The following RNF220 variants were observed in gnomAD, a reference collection of about 807,000 sequenced individuals.
The protein encoded by RNF220 is ring finger protein 220, also known as E3 ubiquitin-protein ligase RNF220.
In RNF220, 7 loss-of-function variants were observed where a neutral mutation model predicts 67.1. The ratio of observed to expected loss-of-function variants is 0.10; its 90% CI spans 0.06 to 0.20. The LOEUF (loss-of-function observed/expected upper bound fraction) is 0.20. Among genes scored for constraint, RNF220 ranks in the 10% least tolerant of loss-of-function variants. The pLI is 1.00. For synonymous variants in RNF220, 270 were observed against 283.2 expected, an observed-to-expected ratio of 0.95 and a Z score of 0.47; for missense variants, 565 against 740.3, an observed-to-expected ratio of 0.76 and a Z score of 2.75.
At chr1:44,533,389 G>A (rs1226523890) in intron 2 of RNF220, among the ~76,000 whole-genome samples, 1 of 152,138 alleles carries the variant, frequency 6.6e-6, no homozygotes, top group Non-Finnish European at 1.5e-5. Context: ...CTACTTGGGA[G>A]GCTGAGGCAG....
At chr1:44,507,848 C>G (rs575959063) in intron 2 of RNF220, among the ~76,000 whole-genome samples, 1 of 152,126 alleles carries the variant, frequency 6.6e-6, no homozygotes, top group South Asian at 2.1e-4. Flanking sequence ...GCTCAGAATG[C>G]TCTTTTGTGT....
intron 2 of RNF220, among the ~76,000 whole-genome samples, chr1:44,430,278 T>C (rs1243350361): frequency 6.6e-6 from 1 of 152,106 alleles, no homozygotes; most frequent in African/African-American, 2.4e-5. Flanking sequence ...ATTATTTCTA[T>C]AATTAAAAAA....
intron 1 of RNF220, among the ~76,000 whole-genome samples, chr1:44,410,992 CGG>C (rs2147801212): frequency 6.6e-6 from 1 of 152,272 alleles, no homozygotes; most frequent in African/African-American, 2.4e-5. Flanking sequence ...CAATTTGTTC[CGG>C]GGGCCTTTAT....
chr1:44,452,422 C>T lies in RNF220; in HGVS notation c.625+39700C>T, dbSNP rs370532318. 1.4e-3 allele frequency among the ~76,000 whole-genome samples: 208 copies of T among 151,924 alleles called. 1 individual carries two copies. Among genetic ancestry groups the T allele is most frequent in the African/African-American group, 4.9e-3 (205 of 41,444 alleles). ...TACAAAAATTAGCCGGGCTTGGTGG[C>T]GGGCGCCTGTAATCTCAGCTACTCA... On this transcript the variant is annotated intron_variant, in intron 2 of 14. Transcript: ENST00000361799.
chr1:44,490,872 A>C lies in RNF220; in HGVS notation c.625+78150A>C, dbSNP rs187442365. ...GAATAAGAACAAGAGAGAGGACTCA[A>C]ATTACTAAATCAGGAATGGAAGAGG... On this transcript the variant is annotated intron_variant, in intron 2 of 14. Transcript: ENST00000361799. Among the ~76,000 whole-genome samples, 215 of 152,194 alleles carry C rather than the reference A, an allele frequency of 1.4e-3. 1 individual carries two copies. Among genetic ancestry groups the C allele is most frequent in the Admixed American group, 0.014 (213 of 15,284 alleles).
At chr1:44,630,865 G>A (rs1463932538) in intron 5 of RNF220, among the ~76,000 whole-genome samples, 1 of 152,232 alleles carries the variant, frequency 6.6e-6, no homozygotes, top group African/African-American at 2.4e-5. Flanking sequence ...AGACAGGGAA[G>A]GCCTATATGC....
intron 8 of RNF220, among the ~76,000 whole-genome samples, chr1:44,641,362 C>T (rs1368373937): frequency 6.6e-6 from 1 of 152,130 alleles, no homozygotes; most frequent in African/African-American, 2.4e-5. Context: ...CTGAAGGGTA[C>T]TCTGGGCCAT....
intron 2 of RNF220, among the ~76,000 whole-genome samples, chr1:44,545,336 A>C (rs1662041268): frequency 6.6e-6 from 1 of 152,234 alleles, no homozygotes; most frequent in African/African-American, 2.4e-5. Flanking sequence ...AATTGTGGAG[A>C]AGAAAGCTAC....
At chr1:44,467,909 T>C (rs1654425958) in intron 2 of RNF220, among the ~76,000 whole-genome samples, 1 of 152,142 alleles carries the variant, frequency 6.6e-6, no homozygotes, top group Admixed American at 6.5e-5. Flanking sequence ...TGTAGGGTTA[T>C]TAATTGGCCT....
intron 2 of RNF220, among the ~76,000 whole-genome samples, chr1:44,441,678 T>TA (rs1420926579): frequency 6.6e-6 from 1 of 152,176 alleles, no homozygotes; most frequent in African/African-American, 2.4e-5. Flanking sequence ...GCTGGAAACT[T>TA]AGTGTATGAA....
chr1:44,632,418 C>A (rs760232351), intron 6 of RNF220, 33 bp downstream of exon 6: 1 of 1,561,478 alleles, frequency 6.4e-7, no homozygotes, highest in African/African-American at 1.4e-5. Flanking sequence ...CTCCGCCCCA[C>A]CCCCGGCCTC....
At chr1:44,587,217 G>A (rs1426716241) in intron 2 of RNF220, among the ~76,000 whole-genome samples, 3 of 143,600 alleles carry the variant, frequency 2.1e-5, no homozygotes, top group Non-Finnish European at 3.0e-5. Context: ...GCACAATCTC[G>A]GCTCACGGCA....
intron 2 of RNF220, among the ~76,000 whole-genome samples, chr1:44,573,785 A>C (rs745716562): frequency 2.3e-4 from 35 of 152,174 alleles, no homozygotes; most frequent in Non-Finnish European, 4.4e-5. Flanking sequence ...AATCATCCCT[A>C]TGTCCTCTTA....
intron 2 of RNF220, among the ~76,000 whole-genome samples, chr1:44,549,233 G>C (rs1435287906): frequency 6.6e-6 from 1 of 152,160 alleles, no homozygotes; most frequent in Non-Finnish European, 1.5e-5. Flanking sequence ...ATGTAGCATT[G>C]CAATGTTGAT....
intron 2 of RNF220, among the ~76,000 whole-genome samples, chr1:44,422,652 G>T (rs1649356587): frequency 6.6e-6 from 1 of 152,226 alleles, no homozygotes; most frequent in Admixed American, 6.5e-5. Flanking sequence ...TGAGTGACTT[G>T]TAAGAAACTC....
chr1:44,494,021 A>G (rs578219134), intron 2 of RNF220, among the ~76,000 whole-genome samples: 4 of 152,202 alleles, frequency 2.6e-5, no homozygotes, highest in East Asian at 3.9e-4. Flanking sequence ...AGCCTGACCA[A>G]TATCGTGAAA....
At chr1:44,448,907 GATT>G (rs1466929745) in intron 2 of RNF220, among the ~76,000 whole-genome samples, 2 of 152,176 alleles carry the variant, frequency 1.3e-5, no homozygotes, top group Admixed American at 6.5e-5. Context: ...TTTGTTGAAT[GATT>G]ATTGAGTATT....
chr1:44,528,731 C>T (rs1572781807), intron 2 of RNF220, among the ~76,000 whole-genome samples: 1 of 151,840 alleles, frequency 6.6e-6, no homozygotes, highest in East Asian at 1.9e-4. Context: ...TCTCCTGCCT[C>T]AGCCTCCCAA....
At chr1:44,453,853 C>T (rs1311308751) in intron 2 of RNF220, among the ~76,000 whole-genome samples, 2 of 151,978 alleles carry the variant, frequency 1.3e-5, no homozygotes, top group African/African-American at 2.4e-5. Context: ...TATTGAGGAT[C>T]CACAGAGAAC....
Sources: gnomAD v4.1 joint callset for allele counts (sites outside exome capture counted in the v4.1 genomes callset) on GRCh38, gnomAD v4.1.1 for gene constraint, MANE v1.5 for transcripts, NCBI Gene and HGNC (gene_info 2026-07-23, HGNC 2026-07-21) for gene names.